DCHS2: variants seen among roughly 807,000 people sequenced by gnomAD.
The protein encoded by DCHS2 is protocadherin-23.
In DCHS2, 142 loss-of-function variants were observed where a neutral mutation model predicts 182.4. That is an observed-to-expected ratio of 0.78 (90% CI 0.68 to 0.89). The LOEUF is 0.89. Among genes scored for constraint, DCHS2 ranks in the 40% least tolerant of loss-of-function variants. The pLI, the probability that DCHS2 is intolerant of heterozygous loss-of-function variation, is 0.00. For missense variants in DCHS2, 4,319 were observed against 4,198.6 expected (o/e 1.03, Z -0.79); for synonymous variants, 1,740 against 1,663.3 (o/e 1.05, Z -1.12).
At chr4:154,366,779 C>T (rs72723365) in intron 2 of DCHS2, among the ~76,000 whole-genome samples, 56 of 152,272 alleles carry the variant, frequency 3.7e-4, no homozygotes, top group Non-Finnish European at 6.9e-4. Context: ...GAGATTTCCA[C>T]TTAGAGCAGC....
In DCHS2 at chr4:154,490,447, G is replaced by A. The variant is rs1342083165; in HGVS notation, c.909C>T (p.Ala303=). The A allele has an allele frequency of 1.2e-5, 18 of 1,535,126 alleles. No homozygotes were observed. The highest frequency in any genetic ancestry group is 3.9e-5 in the Admixed American group (2 of 50,888). The change falls in exon 1 of 20, where the codon GCC becomes GCT. Residue 303 remains alanine, a synonymous_variant. Coordinates refer to ENST00000357232, the MANE Select transcript of DCHS2 (RefSeq NM_001358235.2). ...PPVFEQDEYR[A]AVREDAQPGA... The stretch of plus-strand genomic sequence containing the variant: ...CCGGCTGGGCGTCCTCGCGCACCGC[G>A]GCGCGGTACTCGTCCTGCTCAAAGA...
Position 154,320,604 on chromosome 4 carries a change from G to GGTCTGTCACATT in DCHS2, c.4783_4794dup (p.Asn1595_Asp1598dup). ...TGTGCTGTCAGTGATCTCAGTCGCC[G>GGTCTGTCACATT]GTCTGTCACATTCACAGCCTGATCA... On this transcript the variant is annotated inframe_insertion, in exon 9 of 20. Transcript: ENST00000357232. The GGTCTGTCACATT allele has an allele frequency of 2.5e-6, 4 of 1,614,044 alleles. No individual in the cohort carries two copies. The highest frequency in any genetic ancestry group is 3.4e-6 in the Non-Finnish European group (4 of 1,180,016).
Position 154,269,976 on chromosome 4 carries a change from G to T in DCHS2, c.6501C>A (p.Asp2167Glu). ...AATATTTCATGCTGTCCTGAATTGA[G>T]TCAGGAGCAAAAGCTTTAACAGTCA... Reference protein sequence around the residue: ...SIVTVKAFAPDSIQDSMKYSI... With the variant: ...SIVTVKAFAPESIQDSMKYSI... Residue 2167 changes from aspartate (D) to glutamate (E), a missense_variant, in exon 14 of 20, where the codon GAC becomes GAA. Physicochemically the swap from Asp to Glu is conservative, Grantham distance 45. Coordinates refer to ENST00000357232, the MANE Select transcript of DCHS2 (RefSeq NM_001358235.2). The T allele has an allele frequency of 6.2e-7, 1 of 1,611,950 alleles. No individual in the cohort carries two copies. Among genetic ancestry groups the T allele is most frequent in the South Asian group, 1.1e-5 (1 of 90,764 alleles).
intron 12 of DCHS2, among the ~76,000 whole-genome samples, chr4:154,300,572 CG>C (rs1561024675): frequency 6.6e-6 from 1 of 151,510 alleles, no homozygotes; most frequent in African/African-American, 2.4e-5. Context: ...CTGTATTCCC[CG>C]CTGCTCAGGA....
intron 1 of DCHS2, among the ~76,000 whole-genome samples, chr4:154,387,519 C>T (rs1023452145): frequency 2.0e-5 from 3 of 150,668 alleles, no homozygotes; most frequent in Non-Finnish European, 4.4e-5. Context: ...TTGATATTAA[C>T]CTCAGACCAA....
Position 154,328,192 on chromosome 4 carries a change from C to T in DCHS2, c.3919G>A (p.Val1307Ile), listed in dbSNP as rs760885306. The T allele has an allele frequency of 7.5e-6, 12 of 1,602,824 alleles. 1 individual carries two copies. In the Middle Eastern group the frequency reaches 1.7e-3, roughly 222 times the overall value. ...CLPGKELHVK[V>I]LEGQPVNMLV... Reference sequence around the variant, plus strand: ...ATATTTACTGGTTGACCTTCCAGAACCTGCCATTAAAACAAACAGCTTACA... The same window carrying T: ...ATATTTACTGGTTGACCTTCCAGAATCTGCCATTAAAACAAACAGCTTACA... Residue 1307 changes from valine (V) to isoleucine (I), a missense_variant and splice_region_variant, in exon 7 of 20, where the codon GTT becomes ATT. Transcript: ENST00000357232.
chr4:154,457,862 A>T (rs1734837619), intron 1 of DCHS2, among the ~76,000 whole-genome samples: 1 of 152,150 alleles, frequency 6.6e-6, no homozygotes, highest in East Asian at 1.9e-4. Context: ...GGTGTTGTTG[A>T]TGCTGCTGGT....
At chr4:154,342,611 T>C (rs1323217456) in intron 3 of DCHS2, among the ~76,000 whole-genome samples, 1 of 152,226 alleles carries the variant, frequency 6.6e-6, no homozygotes, top group Non-Finnish European at 1.5e-5. Context: ...CCATTTTCTT[T>C]GCTCATCCAA....
chr4:154,315,547 A>T (rs1735820712), intron 10 of DCHS2, among the ~76,000 whole-genome samples: 1 of 152,220 alleles, frequency 6.6e-6, no homozygotes, highest in Non-Finnish European at 1.5e-5. Flanking sequence ...TAAAGTTAAT[A>T]CAAGCAAATC....
At chr4:154,456,760 G>A (rs1734785569) in intron 1 of DCHS2, among the ~76,000 whole-genome samples, 1 of 152,152 alleles carries the variant, frequency 6.6e-6, no homozygotes. Flanking sequence ...TAGGTAAAGG[G>A]CATGAGGTTA....
At chr4:154,446,164 A>G (rs190941008) in intron 1 of DCHS2, among the ~76,000 whole-genome samples, 1 of 152,344 alleles carries the variant, frequency 6.6e-6, no homozygotes, top group Admixed American at 6.5e-5. Flanking sequence ...TTCTCAGGAA[A>G]TAGATAAGAC....
intron 1 of DCHS2, among the ~76,000 whole-genome samples, chr4:154,414,836 T>C (rs1227460269): frequency 6.6e-6 from 1 of 152,188 alleles, no homozygotes; most frequent in Non-Finnish European, 1.5e-5. Flanking sequence ...CTGCAGGTTA[T>C]AAGGAAAATC....
In DCHS2 at chr4:154,490,372, A is replaced by C. The variant is rs1193372588; in HGVS notation, c.984T>G (p.Asn328Lys). The change falls in exon 1 of 20, where the codon AAT (asparagine) becomes AAG (lysine). Residue 328 changes from asparagine (N) to lysine (K), a missense_variant. Physicochemically the swap from Asn to Lys is moderately conservative, Grantham distance 94 (BLOSUM62 0). Transcript: ENST00000357232. ...VRATDRDLGP[N>K]GFVRYSVRAR... ...CGCGGACGCTGTAGCGCACGAAGCC[A>C]TTGGGCCCCAGGTCGCGGTCGGTGG... 6.5e-7 allele frequency: 1 copy of C among 1,536,184 alleles called. No individual in the cohort carries two copies. Among genetic ancestry groups the C allele is most frequent in the East Asian group, 2.5e-5 (1 of 40,678 alleles).
Position 154,328,211 on chromosome 4 carries a change from G to A in DCHS2, c.3919-19C>T, listed in dbSNP as rs1180387770. On this transcript the variant is annotated intron_variant, in intron 6 of 19. Coordinates refer to ENST00000357232, the MANE Select transcript of DCHS2 (RefSeq NM_001358235.2). ...CCAGAACCTGCCATTAAAACAAACA[G>A]CTTACAAATGAGTCAGCAAAAGTTT... is the stretch of plus-strand genomic sequence containing the variant. 10 of 1,582,096 alleles carry A rather than the reference G, an allele frequency of 6.3e-6. No homozygotes were observed. Among genetic ancestry groups the A allele is most frequent in the Non-Finnish European group, 8.6e-6 (10 of 1,159,904 alleles).
intron 3 of DCHS2, among the ~76,000 whole-genome samples, chr4:154,356,707 A>G (rs1473733050): frequency 6.6e-6 from 1 of 152,196 alleles, no homozygotes; most frequent in Non-Finnish European, 1.5e-5. Context: ...TTTGTAGCCT[A>G]GGAGCAATAG....
intron 1 of DCHS2, among the ~76,000 whole-genome samples, chr4:154,434,272 T>C: frequency 6.6e-6 from 1 of 152,074 alleles, no homozygotes; most frequent in East Asian, 1.9e-4. Context: ...ATTTTAAAAA[T>C]ATAGCCAAGC....
At chr4:154,317,123 G>T (rs1229096500) in intron 9 of DCHS2, among the ~76,000 whole-genome samples, 1 of 152,090 alleles carries the variant, frequency 6.6e-6, no homozygotes, top group Non-Finnish European at 1.5e-5. Context: ...TATGAGTTTT[G>T]TGAGAGAAAA....
rs150314278 is a variant in DCHS2 at position 154,255,614 on chromosome 4, C to T, written c.6846G>A (p.Leu2282=). The T allele has an allele frequency of 4.5e-5, 72 of 1,613,900 alleles. No homozygotes were observed. Among genetic ancestry groups the T allele is most frequent in the Non-Finnish European group, 5.4e-5 (64 of 1,179,974 alleles). The change falls in exon 16 of 20, where the codon CTG becomes CTA. Residue 2282 remains leucine, a synonymous_variant. Transcript: ENST00000357232. The stretch of plus-strand genomic sequence containing the variant: ...GGAATGCTTCTTCTTGGTTGCCAGA[C>T]AGAATAGAATACTCAATCAGGCCGT... ...GLNGLIEYSI[L]SGNQEEAFQI...
At chr4:154,337,217 A>G (rs900735228) in intron 3 of DCHS2, among the ~76,000 whole-genome samples, 2 of 152,248 alleles carry the variant, frequency 1.3e-5, no homozygotes, top group Non-Finnish European at 2.9e-5. Flanking sequence ...AAATGTGTAC[A>G]GAAGAGAAGA....
Sources: allele counts gnomAD v4.1 joint callset (sites outside exome capture counted in the v4.1 genomes callset), GRCh38; gene constraint gnomAD v4.1.1; transcripts MANE v1.5; gene names NCBI Gene and HGNC (gene_info 2026-07-23, HGNC 2026-07-21).